Variants in GPC5 observed in about 807,000 individuals in gnomAD.
GPC5 encodes the protein glypican-5.
In GPC5, 47 loss-of-function variants were observed where a neutral mutation model predicts 53.9. The observed-to-expected ratio is 0.87, with a 90% CI of 0.69 to 1.11. The LOEUF is 1.11. Among genes scored for constraint, GPC5 ranks in the 50% most tolerant of loss-of-function variants. The probability of loss-of-function intolerance (pLI) is 0.00; values close to 1 mark genes in which losing one functional copy is unlikely to be tolerated. For missense variants in GPC5, 748 were observed against 713.1 expected, an observed-to-expected ratio of 1.05 and a Z score of -0.56; for synonymous variants, 286 against 263.3, an observed-to-expected ratio of 1.09 and a Z score of -0.84.
chr13:91,911,201 A>G (rs1190676100), intron 6 of GPC5, among the ~76,000 whole-genome samples: 3 of 152,300 alleles, frequency 2.0e-5, no homozygotes, highest in Admixed American at 6.5e-5. Context: ...AGGCTCTGGT[A>G]AAGAGTTTAT....
In GPC5 at chr13:91,471,631, C is replaced by T. The variant is rs750561758; in HGVS notation, c.325+22709C>T. ...TACTAGTTATTCATTCTATTTGAAGCTTGATGTTCTCTTCCTCATCTTCAA... is the reference window on the plus strand; with the variant it reads ...TACTAGTTATTCATTCTATTTGAAGTTTGATGTTCTCTTCCTCATCTTCAA... On this transcript the variant is annotated intron_variant, in intron 2 of 7. Transcript: ENST00000377067. Among the ~76,000 whole-genome samples the T allele has an allele frequency of 1.8e-4, 27 of 152,138 alleles. 1 individual carries two copies. Among genetic ancestry groups the T allele is most frequent in the Non-Finnish European group, 3.5e-4 (24 of 68,028 alleles).
intron 7 of GPC5, among the ~76,000 whole-genome samples, chr13:92,150,891 TAA>T (rs5805730): frequency 0.14 from 20,690 of 144,954 alleles, 1,630 homozygotes; most frequent in Admixed American, 0.18. Context: ...ATAGAGGAAG[TAA>T]AAAAAAAAAA....
chr13:92,329,647 T>A (rs1000814807), intron 7 of GPC5, among the ~76,000 whole-genome samples: 2 of 152,178 alleles, frequency 1.3e-5, no homozygotes, highest in Non-Finnish European at 2.9e-5. Flanking sequence ...TCAAATAGTA[T>A]AAAAGTTAGA....
chr13:92,337,348 G>C (rs966073544), intron 7 of GPC5, among the ~76,000 whole-genome samples: 1 of 152,092 alleles, frequency 6.6e-6, no homozygotes, highest in African/African-American at 2.4e-5. Context: ...AGACTCAATA[G>C]TGTGAAGATG....
chr13:91,858,752 T>C (rs1391341077), intron 5 of GPC5, among the ~76,000 whole-genome samples: 3 of 151,992 alleles, frequency 2.0e-5, no homozygotes, highest in Non-Finnish European at 4.4e-5. Flanking sequence ...TTTTAAAATA[T>C]TTGGTAAAAT....
intron 7 of GPC5, among the ~76,000 whole-genome samples, chr13:92,167,610 G>A (rs2042041083): frequency 6.6e-6 from 1 of 152,132 alleles, no homozygotes. Context: ...TAAAAACAAT[G>A]AAAAAGAAAT....
rs138106195 is a variant in GPC5, at chr13:92,277,341, C to T, written c.1561+132352C>T. ...CAAGTATGTTACAGGCCATATTCTT[C>T]GTTTTATGTACATTCTAAGGTAACA... is the stretch of plus-strand genomic sequence containing the variant. On this transcript the variant is annotated intron_variant, in intron 7 of 7. Coordinates refer to ENST00000377067, the MANE Select transcript of GPC5 (RefSeq NM_004466.6). Among the ~76,000 whole-genome samples, 182 of 151,944 alleles carry T rather than the reference C, an allele frequency of 1.2e-3. 2 individuals are homozygous for T. Among genetic ancestry groups the T allele is most frequent in the African/African-American group, 3.9e-3 (161 of 41,482 alleles).
intron 2 of GPC5, among the ~76,000 whole-genome samples, chr13:91,524,276 TG>T (rs1376237762): frequency 2.0e-5 from 3 of 152,100 alleles, no homozygotes. Flanking sequence ...AGCTTTTCTC[TG>T]ATGCTTTGCA....
intron 3 of GPC5, 23 bp downstream of exon 3, chr13:91,693,904 C>A (rs751549982): frequency 6.5e-7 from 1 of 1,531,204 alleles, no homozygotes; most frequent in Non-Finnish European, 8.9e-7. Context: ...TCCACATTTT[C>A]AGTCTGACTT....
intron 3 of GPC5, among the ~76,000 whole-genome samples, chr13:91,710,707 G>T (rs149168816): frequency 1.3e-3 from 192 of 152,236 alleles, no homozygotes; most frequent in African/African-American, 4.2e-3. Flanking sequence ...CAGGACTGAG[G>T]CTTCACTGAC....
intron 6 of GPC5, among the ~76,000 whole-genome samples, chr13:92,003,688 C>G (rs1018734190): frequency 7.2e-5 from 11 of 152,088 alleles, no homozygotes; most frequent in Non-Finnish European, 1.6e-4. Context: ...TTTTGTTATT[C>G]TTTTTGCTAT....
chr13:91,574,749 C>T (rs1452681878), intron 2 of GPC5, among the ~76,000 whole-genome samples: 1 of 152,000 alleles, frequency 6.6e-6, no homozygotes, highest in African/African-American at 2.4e-5. Context: ...ACATGAATTA[C>T]CTATACATGA....
chr13:91,639,468 C>T (rs2034365925), intron 2 of GPC5, among the ~76,000 whole-genome samples: 1 of 152,162 alleles, frequency 6.6e-6, no homozygotes, highest in Non-Finnish European at 1.5e-5. Flanking sequence ...CCATGGTAAC[C>T]AGATATAGCT....
At position 91,730,965 on chromosome 13, in the gene GPC5, AT is replaced by A. The variant is rs145132861; in HGVS notation, c.1154+2301del. ...TACTTTCCACCACAGAGGCACAAAT[AT>A]GTCTACTAAGACATTTGGGTGATGT... On this transcript the variant is annotated intron_variant, in intron 4 of 7. Transcript: ENST00000377067. Among the ~76,000 whole-genome samples the A allele has an allele frequency of 5.3e-3, 807 of 152,330 alleles. 12 individuals are homozygous for A. The highest frequency in any genetic ancestry group is 0.019 in the African/African-American group (776 of 41,580).
Position 92,552,986 on chromosome 13 carries a change from T to A in GPC5, c.1562-313296T>A, listed in dbSNP as rs562371113. 1.2e-4 allele frequency among the ~76,000 whole-genome samples: 18 copies of A among 152,084 alleles called. No individual in the cohort carries two copies. The South Asian group carries it at 3.7e-3, about 32-fold the overall frequency. ...ATATTCTGAAGGCTTTATTTATGAC[T>A]GTTTTGATTAGACCAAATAGATACT... On this transcript the variant is annotated intron_variant, in intron 7 of 7. Transcript: ENST00000377067.
At chr13:92,306,617 G>A (rs891556463) in intron 7 of GPC5, among the ~76,000 whole-genome samples, 2 of 152,120 alleles carry the variant, frequency 1.3e-5, no homozygotes, top group Admixed American at 6.6e-5. Flanking sequence ...AGTGAATGGT[G>A]GCCCCAGAGG....
intron 7 of GPC5, among the ~76,000 whole-genome samples, chr13:92,637,961 A>G (rs1461635533): frequency 6.6e-6 from 1 of 152,160 alleles, no homozygotes; most frequent in Non-Finnish European, 1.5e-5. Context: ...CATGTCTTAG[A>G]TGAAAACTGT....
intron 7 of GPC5, among the ~76,000 whole-genome samples, chr13:92,179,681 T>G (rs1369077210): frequency 6.6e-6 from 1 of 152,244 alleles, no homozygotes; most frequent in African/African-American, 2.4e-5. Flanking sequence ...TATTGCCGAA[T>G]CTAACATACA....
intron 2 of GPC5, among the ~76,000 whole-genome samples, chr13:91,619,437 G>C (rs958603824): frequency 1.3e-5 from 2 of 152,014 alleles, no homozygotes; most frequent in African/African-American, 2.4e-5. Context: ...AGAGTACGCT[G>C]TATTCAACTC....
Sources: gnomAD v4.1 joint callset for allele counts (sites outside exome capture counted in the v4.1 genomes callset) on GRCh38, gnomAD v4.1.1 for gene constraint, MANE v1.5 for transcripts, NCBI Gene and HGNC (gene_info 2026-07-23, HGNC 2026-07-21) for gene names.